The following RPS6KA2 variants were observed in gnomAD, a reference collection of about 807,000 sequenced individuals.
The protein encoded by RPS6KA2 is ribosomal protein S6 kinase alpha-2.
RPS6KA2 carries 42 observed loss-of-function variants against 91.8 expected under a neutral mutation model. That is an observed-to-expected ratio of 0.46 (90% CI 0.36 to 0.59). The LOEUF (loss-of-function observed/expected upper bound fraction) is 0.59. Among genes scored for constraint, RPS6KA2 ranks in the 20% least tolerant of loss-of-function variants. The pLI is 0.00. For synonymous variants in RPS6KA2, 414 were observed against 393.6 expected, an observed-to-expected ratio of 1.05 and a Z score of -0.61; for missense variants, 798 against 978.5, an observed-to-expected ratio of 0.82 and a Z score of 2.46.
chr6:166,430,866 C>T (rs539002873), intron 15 of RPS6KA2, among the ~76,000 whole-genome samples: 57 of 152,208 alleles, frequency 3.7e-4, no homozygotes, highest in Non-Finnish European at 6.6e-4. Flanking sequence ...ACAAGATGGG[C>T]GTGTCCTTAG....
chr6:166,704,098 G>A (rs527550016), intron 2 of RPS6KA2, among the ~76,000 whole-genome samples: 2 of 152,316 alleles, frequency 1.3e-5, no homozygotes, highest in East Asian at 3.9e-4. Flanking sequence ...AGAGGTGAGA[G>A]TTATATCCGG....
intron 1 of RPS6KA2, among the ~76,000 whole-genome samples, chr6:166,604,852 G>A (rs573663200): frequency 2.0e-5 from 3 of 152,320 alleles, no homozygotes; most frequent in South Asian, 2.1e-4. Context: ...GGGTGGTCAC[G>A]TAGCCTAAAA....
chr6:166,662,932 G>A lies in RPS6KA2; in HGVS notation c.124-124148C>T, dbSNP rs1788202726. Among the ~76,000 whole-genome samples the A allele has an allele frequency of 6.6e-6, 1 of 152,112 alleles. No individual in the cohort carries two copies. Among genetic ancestry groups the A allele is most frequent in the African/African-American group, 2.4e-5 (1 of 41,410 alleles). Reference sequence around the variant, plus strand: ...ACCGGGGCCGCCTCTGTGTATGGAGGAACGGCCACGCGAGGACAGGGAGGA... The same window carrying A: ...ACCGGGGCCGCCTCTGTGTATGGAGAAACGGCCACGCGAGGACAGGGAGGA... On this transcript the variant is annotated intron_variant, in intron 2 of 21. Transcript: ENST00000503859. The surrounding 1 kb of genome is among the most constrained non-coding windows in gnomAD (Gnocchi z 4.3).
rs747961889 is a variant in RPS6KA2, at chr6:166,437,460, G to A, written c.1333-4970C>T. On this transcript the variant is annotated intron_variant, in intron 14 of 20. Transcript: ENST00000265678. The surrounding 1 kb of genome is among the most constrained non-coding windows in gnomAD (Gnocchi z 4.3). ...TGACGCGCCACGGAGTAGGAGTGGT[G>A]TCGTGGGGCGGGGGACAAGCTCGCT... Among the ~76,000 whole-genome samples the A allele has an allele frequency of 5.3e-5, 8 of 152,230 alleles. No individual in the cohort carries two copies. Among genetic ancestry groups the A allele is most frequent in the Non-Finnish European group, 8.8e-5 (6 of 68,048 alleles).
chr6:166,788,865 TAA>T (rs1249219087), intron 2 of RPS6KA2, among the ~76,000 whole-genome samples: 1 of 151,830 alleles, frequency 6.6e-6, no homozygotes, highest in Admixed American at 6.6e-5. Context: ...AAAATAAAAA[TAA>T]AATAGGTGGG....
At chr6:166,546,646 C>G (rs1783837017) in intron 1 of RPS6KA2, among the ~76,000 whole-genome samples, 1 of 152,090 alleles carries the variant, frequency 6.6e-6, no homozygotes, top group African/African-American at 2.4e-5. Context: ...CCAGTGAGAC[C>G]TATTGGGATA....
intron 14 of RPS6KA2, among the ~76,000 whole-genome samples, chr6:166,436,397 A>C (rs571709076): frequency 1.3e-5 from 2 of 151,360 alleles, no homozygotes; most frequent in East Asian, 3.9e-4. Context: ...TTTGCAAAGG[A>C]GTAGAGTGGC....
intron 14 of RPS6KA2, among the ~76,000 whole-genome samples, chr6:166,436,865 C>G (rs974264175): frequency 6.6e-6 from 1 of 152,090 alleles, no homozygotes; most frequent in African/African-American, 2.4e-5. Flanking sequence ...TAGGTTCTCA[C>G]ACGACCCTCC....
intron 1 of RPS6KA2, among the ~76,000 whole-genome samples, chr6:166,561,621 G>C (rs181564224): frequency 1.6e-4 from 25 of 151,966 alleles, no homozygotes; most frequent in Non-Finnish European, 2.6e-4. Context: ...ACGGCTGAAG[G>C]GGTATTAGGA....
chr6:166,834,448 C>A (rs971382146), intron 2 of RPS6KA2, among the ~76,000 whole-genome samples: 5 of 152,042 alleles, frequency 3.3e-5, no homozygotes, highest in Admixed American at 6.6e-5. Flanking sequence ...GAACAACAGA[C>A]GTTGGGGTGT....
intron 12 of RPS6KA2, among the ~76,000 whole-genome samples, chr6:166,453,027 G>A (rs1016771515): frequency 6.6e-5 from 10 of 151,882 alleles, no homozygotes; most frequent in African/African-American, 2.2e-4. Context: ...GTGAAACCCT[G>A]TCTCTACTAA....
At chr6:166,413,610 C>T (rs1384568972) in intron 20 of RPS6KA2, among the ~76,000 whole-genome samples, 184 bp downstream of exon 20, 1 of 152,214 alleles carries the variant, frequency 6.6e-6, no homozygotes, top group African/African-American at 2.4e-5. Context: ...CAGGTAGGAG[C>T]CCTGTGCAAT....
chr6:166,527,534 G>A (rs1237485818), intron 3 of RPS6KA2, among the ~76,000 whole-genome samples: 2 of 152,168 alleles, frequency 1.3e-5, no homozygotes, highest in African/African-American at 4.8e-5. Flanking sequence ...TCTAGCAGCT[G>A]TTCATTTTAA....
chr6:166,779,061 C>T (rs148126388), intron 2 of RPS6KA2, among the ~76,000 whole-genome samples: 20 of 152,304 alleles, frequency 1.3e-4, no homozygotes, highest in South Asian at 1.2e-3. Context: ...GTAACTCTGG[C>T]GCACACTGAT....
intron 2 of RPS6KA2, among the ~76,000 whole-genome samples, chr6:166,846,884 C>G (rs1199255231): frequency 6.6e-6 from 1 of 152,044 alleles, no homozygotes; most frequent in Non-Finnish European, 1.5e-5. Context: ...AGAAAGAAAT[C>G]AAGGGCATCC....
Position 166,702,059 on chromosome 6 carries a change from C to T in RPS6KA2, c.123+156141G>A, listed in dbSNP as rs146870042. ...ACGCATAATCTCCAGAATAGACTTA[C>T]AAGCCGCAGAGGTGCCTTCAGGAGT... On this transcript the variant is annotated intron_variant, in intron 2 of 21. Transcript: ENST00000503859. 1.8e-3 allele frequency: 2,193 copies of T among 1,201,352 alleles called. 26 individuals are homozygous for T. In the African/African-American group the frequency reaches 0.026, roughly 14 times the overall value. 74.4% of individuals were successfully genotyped at this position (1,201,352 alleles called of 1,614,324 possible).
intron 10 of RPS6KA2, among the ~76,000 whole-genome samples, chr6:166,473,510 C>G (rs916649971): frequency 2.6e-5 from 4 of 152,054 alleles, no homozygotes; most frequent in African/African-American, 7.2e-5. Flanking sequence ...TTCATTGCAC[C>G]GATTCTGTCC....
chr6:166,578,877 A>G (rs998025584), intron 1 of RPS6KA2, among the ~76,000 whole-genome samples: 2 of 152,222 alleles, frequency 1.3e-5, no homozygotes, highest in African/African-American at 4.8e-5. Context: ...GAGATATGTG[A>G]GGGACAGGAA....
intron 3 of RPS6KA2, among the ~76,000 whole-genome samples, chr6:166,517,721 C>A (rs539761387): frequency 6.6e-6 from 1 of 151,130 alleles, no homozygotes; most frequent in Non-Finnish European, 1.5e-5. Flanking sequence ...ATGATCCACC[C>A]GCCTCGGCCT....
Sources: allele counts gnomAD v4.1 joint callset (sites outside exome capture counted in the v4.1 genomes callset), GRCh38; gene constraint gnomAD v4.1.1; non-coding constraint Gnocchi (gnomAD v3.1); transcripts MANE v1.5; gene names NCBI Gene and HGNC (gene_info 2026-07-23, HGNC 2026-07-21).